GUCY2D: variants seen among roughly 807,000 people sequenced by gnomAD.
The protein encoded by GUCY2D is guanylate cyclase 2D, retinal.
A neutral mutation model predicts 101.3 loss-of-function variants in GUCY2D; 70 were observed. That is an observed-to-expected ratio of 0.69 (90% CI 0.57 to 0.84). The LOEUF is 0.84. Ranked by LOEUF, GUCY2D falls within the 40% of genes least tolerant of loss-of-function variation. GUCY2D has a pLI of 0.00. For missense variants in GUCY2D, 1,460 were observed against 1,542.5 expected (o/e 0.95, Z 0.90); for synonymous variants, 688 against 670.7 (o/e 1.03, Z -0.40).
rs1291920440 is a variant in GUCY2D, at chr17:8,003,383, G to A, written c.336G>A (p.Gly112=). The A allele has an allele frequency of 1.4e-6, 2 of 1,471,752 alleles. No individual in the cohort carries two copies. The highest frequency in any genetic ancestry group is 1.8e-6 in the Non-Finnish European group (2 of 1,118,724). The allele number at this position is 1,471,752 out of a possible 1,614,324, so 91.2% of individuals were successfully genotyped here. Residue 112 remains glycine, a synonymous_variant, in exon 2 of 20, where the codon GGG becomes GGA. Transcript: ENST00000254854. ...PEPCRTPGSL[G]AVSSALARVS... ...CTTGCCGGACGCCGGGCTCGCTGGG[G>A]GCCGTGTCCTCCGCGCTGGCCCGCG...
Position 8,002,930 on chromosome 17 carries a change from C to T in GUCY2D, c.-9-109C>T, listed in dbSNP as rs1975653046. The T allele has an allele frequency of 3.7e-6, 3 of 804,160 alleles. No homozygotes were observed. Among genetic ancestry groups the T allele is most frequent in the East Asian group, 6.6e-5 (2 of 30,410 alleles). 49.8% of individuals were successfully genotyped at this position (804,160 alleles called of 1,614,324 possible). A position where few individuals can be genotyped will look rare whatever the true frequency, so the allele number is the denominator to read the frequency against. The stretch of plus-strand genomic sequence containing the variant: ...CAGCCTCCGGAGGGGGCGGTAGCAG[C>T]AGAATCATCCCATGGGTTACTCGGG... On this transcript the variant is annotated intron_variant, in intron 1 of 19. Transcript: ENST00000254854. The surrounding 1 kb of genome is among the most constrained non-coding windows in gnomAD (Gnocchi z 4.9).
Position 8,002,937 on chromosome 17 carries a change from A to G in GUCY2D, c.-9-102A>G. 1 of 860,876 alleles carries G rather than the reference A, an allele frequency of 1.2e-6. No homozygotes were observed. Among genetic ancestry groups the G allele is most frequent in the Non-Finnish European group, 1.7e-6 (1 of 575,704 alleles). 53.3% of individuals were successfully genotyped at this position (860,876 alleles called of 1,614,324 possible). A position where few individuals can be genotyped will look rare whatever the true frequency, so the allele number is the denominator to read the frequency against. ...CGGAGGGGGCGGTAGCAGCAGAATCATCCCATGGGTTACTCGGGCTTGGAG... is the reference window on the plus strand; with the variant it reads ...CGGAGGGGGCGGTAGCAGCAGAATCGTCCCATGGGTTACTCGGGCTTGGAG... On this transcript the variant is annotated intron_variant, in intron 1 of 19. Transcript: ENST00000254854. The surrounding 1 kb of genome is among the most constrained non-coding windows in gnomAD (Gnocchi z 4.9).
At position 8,002,977 on chromosome 17, in the gene GUCY2D, G is replaced by A. The variant is rs1042929481; in HGVS notation, c.-9-62G>A. 5 of 1,299,212 alleles carry A rather than the reference G, an allele frequency of 3.8e-6. No individual in the cohort carries two copies. In the African/African-American group the frequency reaches 7.6e-5, roughly 20 times the overall value. The allele number at this position is 1,299,212 out of a possible 1,614,324, so 80.5% of individuals were successfully genotyped here. ...CGGGCTTGGAGAAACTCGGGGTTAC[G>A]GGGAGAACCCTAGGGGAGGCCGGGG... is the stretch of plus-strand genomic sequence containing the variant. On this transcript the variant is annotated intron_variant, in intron 1 of 19. Transcript: ENST00000254854. This position sits in a 1 kb window ranked among gnomAD's most constrained non-coding sequence, Gnocchi z 4.9.
rs531693520 is a variant in GUCY2D, at chr17:8,006,024, G to A, written c.1027-339G>A. On this transcript the variant is annotated intron_variant, in intron 3 of 19. Transcript: ENST00000254854. ...TATGCTGGGCAACCAACAGGAAGAAGAGAGGACCTACAGGTGATGGAGAAT... is the reference window on the plus strand; with the variant it reads ...TATGCTGGGCAACCAACAGGAAGAAAAGAGGACCTACAGGTGATGGAGAAT... 5.9e-5 allele frequency among the ~76,000 whole-genome samples: 9 copies of A among 152,330 alleles called. No individual in the cohort carries two copies. In the South Asian group the frequency reaches 1.9e-3, roughly 32 times the overall value.
chr17:8,003,964 C>T lies in GUCY2D; in HGVS notation c.834C>T (p.Phe278=), dbSNP rs1248892843. ...LTDGSLVFLP[F]DTIHYALSPG... ...ATGGCTCCCTGGTCTTCCTGCCCTT[C>T]GACACGATCCACTACGCCTTGTCCC... Residue 278 remains phenylalanine (F), a synonymous_variant, in exon 3 of 20, where the codon TTC becomes TTT. Transcript: ENST00000254854. 6.2e-7 allele frequency: 1 copy of T among 1,613,700 alleles called. No homozygotes were observed. The highest frequency in any genetic ancestry group is 1.7e-5 in the Admixed American group (1 of 60,024).
chr17:8,019,191 A>G (rs1598153207), intron 19 of GUCY2D, among the ~76,000 whole-genome samples: 1 of 152,274 alleles, frequency 6.6e-6, no homozygotes, highest in African/African-American at 2.4e-5. Context: ...GACTGTGTGG[A>G]TAGAGCTCTC....
At chr17:8,019,179 C>G (rs1006944930) in intron 19 of GUCY2D, among the ~76,000 whole-genome samples, 5 of 152,162 alleles carry the variant, frequency 3.3e-5, no homozygotes. Context: ...GGCCTTGGAC[C>G]TGACTGTGTG....
In GUCY2D at chr17:8,011,800, G is replaced by A. The variant is rs940930981; in HGVS notation, c.1750-344G>A. Among the ~76,000 whole-genome samples the A allele has an allele frequency of 1.3e-5, 2 of 152,168 alleles. No homozygotes were observed. The highest frequency in any genetic ancestry group is 2.9e-5 in the Non-Finnish European group (2 of 68,040). The stretch of plus-strand genomic sequence containing the variant: ...TTTATGATCATGCCGCTGCACTCCA[G>A]TCTGGGCAACAGAGTGAGACCTCGT... On this transcript the variant is annotated intron_variant, in intron 8 of 19. Transcript: ENST00000254854. This position sits in a 1 kb window ranked among gnomAD's most constrained non-coding sequence, Gnocchi z 4.3.
chr17:8,004,260 C>T (rs1004800242), intron 3 of GUCY2D, 104 bp downstream of exon 3: 17 of 1,093,172 alleles, frequency 1.6e-5, no homozygotes, highest in Non-Finnish European at 2.0e-5. Context: ...ACTGGCAGCT[C>T]TAGCTGTTTG....
Position 8,019,096 on chromosome 17 carries a change from C to A in GUCY2D, c.*25-1032C>A, listed in dbSNP as rs532826586. Among the ~76,000 whole-genome samples the A allele has an allele frequency of 1.5e-4, 23 of 152,324 alleles. 1 individual carries two copies. The South Asian group carries it at 4.3e-3, about 29-fold the overall frequency. On this transcript the variant is annotated intron_variant, in intron 19 of 19. Transcript: ENST00000254854. ...CACACACATTTTTAAAAGTTATTTACATTCTTGAAGATTTTCCTTAAGATT... is the reference window on the plus strand; with the variant it reads ...CACACACATTTTTAAAAGTTATTTAAATTCTTGAAGATTTTCCTTAAGATT...
Position 8,013,518 on chromosome 17 carries a change from CCT to C in GUCY2D, c.2263+271_2263+272del, listed in dbSNP as rs1305905928. The stretch of plus-strand genomic sequence containing the variant: ...GTTTCCACAACTGACAGAACAGACT[CCT>C]CTCTGTTCTCAGGGGTCCCTGGGAG... On this transcript the variant is annotated intron_variant, in intron 11 of 19. Coordinates refer to ENST00000254854, the MANE Select transcript of GUCY2D (RefSeq NM_000180.4). This position sits in a 1 kb window ranked among gnomAD's most constrained non-coding sequence, Gnocchi z 5.0. 8.6e-6 allele frequency: 5 copies of C among 582,056 alleles called. No individual in the cohort carries two copies. The highest frequency in any genetic ancestry group is 1.5e-5 in the Non-Finnish European group (5 of 324,838). 36.1% of individuals were successfully genotyped at this position (582,056 alleles called of 1,614,324 possible). A position where few individuals can be genotyped will look rare whatever the true frequency, so the allele number is the denominator to read the frequency against.
intron 19 of GUCY2D, among the ~76,000 whole-genome samples, chr17:8,019,223 C>T (rs1288650191): frequency 2.6e-5 from 4 of 152,148 alleles, no homozygotes; most frequent in African/African-American, 7.2e-5. Flanking sequence ...TCTTCCCTCC[C>T]GTACCCGACC....
chr17:8,016,755 C>T, intron 19 of GUCY2D: 4 of 573,498 alleles, frequency 7.0e-6, no homozygotes, highest in South Asian at 4.2e-5. Context: ...GAAATCCAGG[C>T]TTAGGAAACT....
chr17:8,007,013 T>G, intron 4 of GUCY2D, 47 bp from the exon 5 acceptor site: 1 of 1,480,268 alleles, frequency 6.8e-7, no homozygotes, highest in South Asian at 1.1e-5. Flanking sequence ...AGAAGAGGCC[T>G]CCCCTGGCAT....
In GUCY2D at chr17:8,016,366, G is replaced by T. The variant is rs1301267597; in HGVS notation, c.3224+76G>T. On this transcript the variant is annotated intron_variant, in intron 18 of 19. Coordinates refer to ENST00000254854, the MANE Select transcript of GUCY2D (RefSeq NM_000180.4). ...CTGCTCTGTGTCTGACCCCCCGCGC[G>T]CGAGGCAGCGATGACGTGGGCCCTG... is the stretch of plus-strand genomic sequence containing the variant. The T allele has an allele frequency of 4.9e-6, 7 of 1,430,696 alleles. No homozygotes were observed. The African/African-American group carries it at 9.9e-5, about 20-fold the overall frequency. 88.6% of individuals were successfully genotyped at this position (1,430,696 alleles called of 1,614,324 possible).
Position 8,013,212 on chromosome 17 carries a change from C to A in GUCY2D, c.2223C>A (p.Cys741Ter). 1 of 1,614,124 alleles carries A rather than the reference C, an allele frequency of 6.2e-7. No individual in the cohort carries two copies. The highest frequency in any genetic ancestry group is 1.1e-5 in the South Asian group (1 of 91,086). Residue 741 changes from cysteine to a stop codon, truncating the protein, a stop_gained, in exon 11 of 20, where the codon TGC (cysteine) becomes TGA (stop). Coordinates refer to ENST00000254854, the MANE Select transcript of GUCY2D (RefSeq NM_000180.4). LOFTEE classifies it high-confidence loss of function. This position sits in a 1 kb window ranked among gnomAD's most constrained non-coding sequence, Gnocchi z 5.0. The part of the protein sequence containing the change: ...SLAIIMQEVV[C>*]RSAPYAMLEL... ...CCATCATCATGCAAGAAGTAGTGTG[C>A]CGCAGTGCCCCTTATGCCATGCTGG... is the stretch of plus-strand genomic sequence containing the variant.
chr17:8,013,224 T>A lies in GUCY2D; in HGVS notation c.2235T>A (p.Pro745=). The change falls in exon 11 of 20, where the codon CCT becomes CCA. Residue 745 remains proline, a synonymous_variant. Coordinates refer to ENST00000254854, the MANE Select transcript of GUCY2D (RefSeq NM_000180.4). This position sits in a 1 kb window ranked among gnomAD's most constrained non-coding sequence, Gnocchi z 5.0. ...AAGAAGTAGTGTGCCGCAGTGCCCC[T>A]TATGCCATGCTGGAGCTCACTCCCG... ...IMQEVVCRSA[P]YAMLELTPEE... The A allele has an allele frequency of 6.2e-7, 1 of 1,614,104 alleles. No homozygotes were observed.
In GUCY2D at chr17:8,013,326, T is replaced by C. The variant is rs1161786129; in HGVS notation, c.2263+74T>C. On this transcript the variant is annotated intron_variant, in intron 11 of 19. Transcript: ENST00000254854. The surrounding 1 kb of genome is among the most constrained non-coding windows in gnomAD (Gnocchi z 5.0). ...TTAGAAAAGAGCCAGCCTCACTCTT[T>C]CCTCTAAAGCAAAGCCCAGTGATGA... is the stretch of plus-strand genomic sequence containing the variant. The C allele has an allele frequency of 1.5e-5, 22 of 1,458,338 alleles. No homozygotes were observed. The highest frequency in any genetic ancestry group is 2.1e-5 in the Non-Finnish European group (22 of 1,048,794). The allele number at this position is 1,458,338 out of a possible 1,614,324, so 90.3% of individuals were successfully genotyped here.
rs762483687 is a variant in GUCY2D at position 8,011,612 on chromosome 17, C to T, written c.1750-532C>T. On this transcript the variant is annotated intron_variant, in intron 8 of 19. Transcript: ENST00000254854. This position sits in a 1 kb window ranked among gnomAD's most constrained non-coding sequence, Gnocchi z 4.3. ...CTGAGGTGGGAGGATCATTTGAAGCCAGGAGTTCAAGACCAGCCTGGGCAA... is the reference window on the plus strand; with the variant it reads ...CTGAGGTGGGAGGATCATTTGAAGCTAGGAGTTCAAGACCAGCCTGGGCAA... Among the ~76,000 whole-genome samples the T allele has an allele frequency of 6.6e-6, 1 of 152,038 alleles. No individual in the cohort carries two copies. The highest frequency in any genetic ancestry group is 1.5e-5 in the Non-Finnish European group (1 of 68,002).
Sources: gnomAD v4.1 joint callset for allele counts (sites outside exome capture counted in the v4.1 genomes callset) on GRCh38, gnomAD v4.1.1 for gene constraint, Gnocchi (gnomAD v3.1) non-coding constraint, MANE v1.5 for transcripts, NCBI Gene and HGNC (gene_info 2026-07-23, HGNC 2026-07-21) for gene names.